Variants in DCLRE1A observed in about 807,000 individuals in gnomAD.
DCLRE1A encodes DNA cross-link repair 1A protein.
DCLRE1A carries 64 observed loss-of-function variants against 91.9 expected under a neutral mutation model. That is an observed-to-expected ratio of 0.70 (90% CI 0.57 to 0.86). DCLRE1A has a LOEUF of 0.86. Among genes scored for constraint, DCLRE1A ranks in the 40% least tolerant of loss-of-function variants. The pLI is 0.00. For synonymous variants in DCLRE1A, 416 were observed against 431.1 expected (o/e 0.96, Z 0.43); for missense variants, 1,145 against 1,213.3 (o/e 0.94, Z 0.84).
chr10:113,843,423 T>C (rs1845478991), intron 5 of DCLRE1A, among the ~76,000 whole-genome samples: 1 of 152,228 alleles, frequency 6.6e-6, no homozygotes, highest in African/African-American at 2.4e-5. Flanking sequence ...AAACCAGTTA[T>C]AGTGTGAGAA....
chr10:113,837,644 T>C (rs1333139206), intron 7 of DCLRE1A, among the ~76,000 whole-genome samples: 1 of 152,216 alleles, frequency 6.6e-6, no homozygotes, highest in Non-Finnish European at 1.5e-5. Flanking sequence ...TGAATGGCAT[T>C]ATACTCAACA....
intron 8 of DCLRE1A, among the ~76,000 whole-genome samples, chr10:113,836,493 T>A (rs17235304): frequency 0.017 from 2,616 of 151,782 alleles, 65 homozygotes; most frequent in African/African-American, 0.058. Flanking sequence ...AAAGAAAAAA[T>A]AACACACCGT....
rs1845343351 is a variant in DCLRE1A, at chr10:113,835,174, C to T, written c.3101G>A (p.Trp1034Ter). The T allele has an allele frequency of 6.2e-7, 1 of 1,613,364 alleles. No individual in the cohort carries two copies. The highest frequency in any genetic ancestry group is 1.3e-5 in the African/African-American group (1 of 74,874). Reference protein sequence around the residue: ...RSTMEKYFREWKLEAGY With the variant: ...RSTMEKYFRE ...TCATCAATATCCAGCTTCCAATTTC[C>T]ACTCTCTAAAATATTTCTCCATTGT... is the stretch of plus-strand genomic sequence containing the variant. The change falls in exon 9 of 9, where the codon TGG (tryptophan) becomes TAG (stop). Residue 1034 changes from tryptophan (W) to a stop codon, truncating the protein, a stop_gained. Coordinates refer to ENST00000361384, the MANE Select transcript of DCLRE1A (RefSeq NM_014881.5). LOFTEE classifies it high-confidence loss of function.
At chr10:113,843,785 A>G (rs184204847) in intron 5 of DCLRE1A, among the ~76,000 whole-genome samples, 198 of 152,318 alleles carry the variant, frequency 1.3e-3, no homozygotes, top group Non-Finnish European at 2.4e-3. Flanking sequence ...TAATAGCTAC[A>G]CAGTTACTCT....
chr10:113,844,957 T>C (rs1845508404), intron 4 of DCLRE1A, among the ~76,000 whole-genome samples: 1 of 150,476 alleles, frequency 6.6e-6, no homozygotes, highest in Non-Finnish European at 1.5e-5. Flanking sequence ...AAAATCAGAA[T>C]TCAAACTGGC....
rs1298164673 is a variant in DCLRE1A, at chr10:113,850,070, T to C, written c.1035A>G (p.Lys345=). Residue 345 remains lysine (K), a synonymous_variant, in exon 2 of 9, where the codon AAA becomes AAG. Transcript: ENST00000361384. ...EEDDDSCGFF[K]KRHGPLLKDQ... The stretch of plus-strand genomic sequence containing the variant: ...CCTTCAGTAAGGGACCATGTCGTTT[T>C]TTAAAAAAACCACAGCTGTCATCAT... 2 of 1,613,808 alleles carry C rather than the reference T, an allele frequency of 1.2e-6. No individual in the cohort carries two copies. Among genetic ancestry groups the C allele is most frequent in the Non-Finnish European group, 8.5e-7 (1 of 1,179,952 alleles).
rs1235114535 is a variant in DCLRE1A at position 113,849,706 on chromosome 10, TC to T, written c.1398del (p.Lys467AsnfsTer7). The part of the protein sequence containing the change: ...VSLPLVKSLM[L>X]KPFESQVEGY... ...CCTTCTACCTGACTTTCAAAAGGTT[TC>T]AACATTAAACTCTTAACTAACGGAA... On this transcript the variant is annotated frameshift_variant, in exon 2 of 9. Transcript: ENST00000361384. LOFTEE classifies it high-confidence loss of function. 1.2e-6 allele frequency: 2 copies of T among 1,614,104 alleles called. No homozygotes were observed. The highest frequency in any genetic ancestry group is 1.3e-5 in the African/African-American group (1 of 74,938).
chr10:113,847,323 G>A lies in DCLRE1A; in HGVS notation c.2138C>T (p.Thr713Ile). ...FYKKIPGTGF[T>I]VDAFQYGVVE... Reference sequence around the variant, plus strand: ...CACGCCATACTGAAAGGCATCAACTGTAAAGCCGGTTCCTGCAATAAAAAT... The same window carrying A: ...CACGCCATACTGAAAGGCATCAACTATAAAGCCGGTTCCTGCAATAAAAAT... The change falls in exon 3 of 9, where the codon ACA becomes ATA. Residue 713 changes from threonine to isoleucine, a missense_variant. Coordinates refer to ENST00000361384, the MANE Select transcript of DCLRE1A (RefSeq NM_014881.5). 2 of 1,613,458 alleles carry A rather than the reference G, an allele frequency of 1.2e-6. No individual in the cohort carries two copies. The highest frequency in any genetic ancestry group is 1.7e-6 in the Non-Finnish European group (2 of 1,179,664).
chr10:113,838,514 T>C (rs1339351638), intron 7 of DCLRE1A, among the ~76,000 whole-genome samples: 3 of 152,168 alleles, frequency 2.0e-5, no homozygotes, highest in Admixed American at 1.3e-4. Context: ...GATACTATCA[T>C]ATAAGCCAAA....
Position 113,837,136 on chromosome 10 carries a change from C to A in DCLRE1A, c.2888G>T (p.Gly963Val). 6.2e-7 allele frequency: 1 copy of A among 1,613,456 alleles called. No homozygotes were observed. The highest frequency in any genetic ancestry group is 8.5e-7 in the Non-Finnish European group (1 of 1,179,704). ...AGTGAACTTGTTAGAGTGTGTCCAT[C>A]CTGTAGGTCGAAATGCCAAAATCTG... The part of the protein sequence containing the change: ...YNQILAFRPT[G>V]WTHSNKFTRI... Residue 963 changes from glycine to valine, a missense_variant, in exon 8 of 9, where the codon GGA (glycine) becomes GTA (valine). Coordinates refer to ENST00000361384, the MANE Select transcript of DCLRE1A (RefSeq NM_014881.5).
chr10:113,854,394 C>A (rs1233051768), upstream of DCLRE1A: 1 of 152,692 alleles, frequency 6.5e-6, no homozygotes, highest in Non-Finnish European at 1.5e-5. Flanking sequence ...CTGCCAGTGC[C>A]GTGTCGAATC....
At chr10:113,844,612 A>G (rs1287304235) in intron 4 of DCLRE1A, among the ~76,000 whole-genome samples, 1 of 152,212 alleles carries the variant, frequency 6.6e-6, no homozygotes, top group Non-Finnish European at 1.5e-5. Context: ...TTTGTGATCT[A>G]TGGTGAAAAC....
rs1365593011 is a variant in DCLRE1A at position 113,853,513 on chromosome 10, T to G, written c.-331A>C. The stretch of plus-strand genomic sequence containing the variant: ...TCCAGGGCTTGATTCATAAAAATAA[T>G]ACTTCAAAAATTAAGCGCTAATGGC... On this transcript the variant is annotated 5_prime_UTR_variant, in exon 1 of 9. Coordinates refer to ENST00000361384, the MANE Select transcript of DCLRE1A (RefSeq NM_014881.5). The G allele has an allele frequency of 1.0e-5, 2 of 190,878 alleles. No individual in the cohort carries two copies. The highest frequency in any genetic ancestry group is 4.7e-5 in the African/African-American group (2 of 42,828). The allele number at this position is 190,878 out of a possible 1,614,324, so 11.8% of individuals were successfully genotyped here.
chr10:113,850,739 T>A, intron 1 of DCLRE1A, 95 bp from the exon 2 acceptor site: 1 of 965,800 alleles, frequency 1.0e-6, no homozygotes, highest in South Asian at 2.0e-5. Flanking sequence ...TTATTTAATA[T>A]CCACATTGCA....
chr10:113,835,092 T>A lies in DCLRE1A; in HGVS notation c.*60A>T. ...AAGTGTATTTCACATTTCTATAGAT[T>A]TAACTACTAACAAGCTACATCCAAG... On this transcript the variant is annotated 3_prime_UTR_variant, in exon 9 of 9. Transcript: ENST00000361384. The A allele has an allele frequency of 2.7e-6, 4 of 1,488,086 alleles. No homozygotes were observed. In the South Asian group the frequency reaches 5.0e-5, roughly 19 times the overall value. 92.2% of individuals were successfully genotyped at this position (1,488,086 alleles called of 1,614,324 possible).
chr10:113,844,690 C>T (rs1008370046), intron 4 of DCLRE1A, among the ~76,000 whole-genome samples: 4 of 152,110 alleles, frequency 2.6e-5, no homozygotes, highest in African/African-American at 9.7e-5. Context: ...AATCCCAGCA[C>T]TTTGGGAGGC....
intron 1 of DCLRE1A, among the ~76,000 whole-genome samples, chr10:113,851,319 G>GT (rs1212925536): frequency 5.3e-5 from 8 of 151,704 alleles, no homozygotes; most frequent in South Asian, 4.2e-4. Context: ...AAGAAGAGTT[G>GT]TTTTTTTTCT....
intron 1 of DCLRE1A, among the ~76,000 whole-genome samples, chr10:113,852,066 G>A (rs1845658382): frequency 6.6e-6 from 1 of 152,196 alleles, no homozygotes; most frequent in Non-Finnish European, 1.5e-5. Flanking sequence ...GCCGGGCGCG[G>A]TGGTTCATGC....
In DCLRE1A at chr10:113,844,439, C is replaced by T. The variant is rs182271697; in HGVS notation, c.2379-195G>A. ...AACTGGTGTGCAGGAAAGGCAGACC[C>T]AGGTTGCTCAAACTCCAAACATTCC... On this transcript the variant is annotated intron_variant, in intron 4 of 8. Coordinates refer to ENST00000361384, the MANE Select transcript of DCLRE1A (RefSeq NM_014881.5). 5.1e-3 allele frequency among the ~76,000 whole-genome samples: 778 copies of T among 152,292 alleles called. 12 individuals carry two copies. Among genetic ancestry groups the T allele is most frequent in the Non-Finnish European group, 6.4e-3 (438 of 68,022 alleles).
Sources: gnomAD v4.1 joint callset for allele counts (sites outside exome capture counted in the v4.1 genomes callset) on GRCh38, gnomAD v4.1.1 for gene constraint, MANE v1.5 for transcripts, NCBI Gene and HGNC (gene_info 2026-07-23, HGNC 2026-07-21) for gene names.